MGAT4A: variants seen among roughly 807,000 people sequenced by gnomAD.
MGAT4A encodes alpha-1,3-mannosyl-glycoprotein 4-beta-N-acetylglucosaminyltransferase A, also known as N-acetylglucosaminyltransferase IVa.
In MGAT4A, 33 loss-of-function variants were observed where a neutral mutation model predicts 74.1. The ratio of observed to expected loss-of-function variants is 0.45; its 90% confidence interval spans 0.34 to 0.60. The LOEUF (loss-of-function observed/expected upper bound fraction) is 0.60, where lower values mean the gene tolerates loss of function less well. Ranked by LOEUF, MGAT4A falls within the 20% of genes least tolerant of loss-of-function variation. MGAT4A has a pLI of 0.02. For missense variants in MGAT4A, 479 were observed against 628.3 expected (o/e 0.76, Z 2.54); for synonymous variants, 198 against 210.4 (o/e 0.94, Z 0.51).
At chr2:98,703,562 A>C (rs776204884) in intron 2 of MGAT4A, among the ~76,000 whole-genome samples, 4 of 152,180 alleles carry the variant, frequency 2.6e-5, no homozygotes, top group African/African-American at 4.8e-5. Flanking sequence ...AAGGCAGAGG[A>C]ATCTCTGAAA....
intron 2 of MGAT4A, among the ~76,000 whole-genome samples, chr2:98,715,317 CAAAAAAA>C (rs201860893): frequency 2.2e-4 from 14 of 63,256 alleles, no homozygotes; most frequent in South Asian, 1.1e-3. Flanking sequence ...GACTTCATCT[CAAAAAAA>C]AAAAAAAAAA....
At chr2:98,728,744 GAA>G (rs201051152) in intron 1 of MGAT4A, among the ~76,000 whole-genome samples, 1 of 137,324 alleles carries the variant, frequency 7.3e-6, no homozygotes. Flanking sequence ...GACTCAGTTT[GAA>G]AAAAAAAAAA....
chr2:98,729,556 G>A (rs1341554361), intron 1 of MGAT4A, among the ~76,000 whole-genome samples: 1 of 152,084 alleles, frequency 6.6e-6, no homozygotes, highest in Non-Finnish European at 1.5e-5. Context: ...AAAAGGTAGT[G>A]GCTAAAATTG....
chr2:98,717,008 G>A (rs965326451), intron 2 of MGAT4A, among the ~76,000 whole-genome samples: 3 of 152,230 alleles, frequency 2.0e-5, no homozygotes, highest in Admixed American at 6.5e-5. Context: ...GAGGGCCGAC[G>A]GTGCCTCAAT....
At chr2:98,671,028 T>C (rs963251359) in intron 4 of MGAT4A, among the ~76,000 whole-genome samples, 7 of 152,208 alleles carry the variant, frequency 4.6e-5, no homozygotes, top group African/African-American at 7.2e-5. Flanking sequence ...ACAGTGTCTA[T>C]TGTCCCCTAT....
intron 14 of MGAT4A, among the ~76,000 whole-genome samples, chr2:98,630,059 C>A (rs7592884): frequency 1 from 152,301 of 152,308 alleles, 76,147 homozygotes; most frequent in Middle Eastern, 1. Flanking sequence ...ATAAATAAAT[C>A]AATCAAATAA....
intron 4 of MGAT4A, among the ~76,000 whole-genome samples, chr2:98,667,829 C>T (rs756313033): frequency 1.2e-4 from 18 of 152,026 alleles, no homozygotes; most frequent in Non-Finnish European, 2.2e-4. Context: ...AAATGATTCT[C>T]CTGCCTCAGC....
intron 8 of MGAT4A, among the ~76,000 whole-genome samples, chr2:98,655,109 T>C (rs1325093601): frequency 2.0e-5 from 3 of 152,154 alleles, no homozygotes; most frequent in Admixed American, 2.0e-4. Context: ...GTAAGAAAAT[T>C]CCTCTTTAAA....
At chr2:98,678,910 T>C (rs192937164) in intron 2 of MGAT4A, among the ~76,000 whole-genome samples, 2 of 152,320 alleles carry the variant, frequency 1.3e-5, no homozygotes, top group Non-Finnish European at 2.9e-5. Context: ...GAATATAACA[T>C]ATTTTATAGC....
rs1701112843 is a variant in MGAT4A, at chr2:98,624,383, A to T, written c.*1183T>A. On this transcript the variant is annotated 3_prime_UTR_variant, in exon 16 of 16. Transcript: ENST00000393487. The stretch of plus-strand genomic sequence containing the variant: ...CTGAGACCGGTAATATTCTTTGTTT[A>T]TAGTAGTAATATCATTTGGAATAGC... 1 of 953,934 alleles carries T rather than the reference A, an allele frequency of 1.0e-6. No individual in the cohort carries two copies. Among genetic ancestry groups the T allele is most frequent in the Non-Finnish European group, 1.2e-6 (1 of 801,430 alleles). The allele number at this position is 953,934 out of a possible 1,614,324, so 59.1% of individuals were successfully genotyped here. A position where few individuals can be genotyped will look rare whatever the true frequency, so the allele number is the denominator to read the frequency against.
intron 2 of MGAT4A, among the ~76,000 whole-genome samples, chr2:98,689,127 T>C (rs934004683): frequency 3.3e-5 from 5 of 152,236 alleles, no homozygotes; most frequent in African/African-American, 4.8e-5. Context: ...AGTTTTCTTA[T>C]TGTGTTTCTA....
In MGAT4A at chr2:98,647,621, T is replaced by C. The variant is rs555901715; in HGVS notation, c.775-2079A>G. Among the ~76,000 whole-genome samples, 12 of 152,240 alleles carry C rather than the reference T, an allele frequency of 7.9e-5. No individual in the cohort carries two copies. In the South Asian group the frequency reaches 2.1e-3, roughly 26 times the overall value. ...GGCGTGAGCCACTGCGCCCGGCCCA[T>C]AACGCGCTTTCTTATGCGCTACCGT... On this transcript the variant is annotated intron_variant, in intron 8 of 15. Coordinates refer to ENST00000393487, the MANE Select transcript of MGAT4A (RefSeq NM_012214.3).
intron 1 of MGAT4A, among the ~76,000 whole-genome samples, chr2:98,728,224 T>C (rs1264540405): frequency 2.0e-5 from 3 of 152,244 alleles, no homozygotes; most frequent in Non-Finnish European, 4.4e-5. Flanking sequence ...TTTTGGCTAA[T>C]ACCTCACCAC....
intron 2 of MGAT4A, among the ~76,000 whole-genome samples, chr2:98,720,679 T>C (rs1702657018): frequency 6.6e-6 from 1 of 151,996 alleles, no homozygotes; most frequent in African/African-American, 2.4e-5. Context: ...AACTAATACA[T>C]GCCTCAAGAA....
chr2:98,689,014 A>G (rs1355365693), intron 2 of MGAT4A, among the ~76,000 whole-genome samples: 1 of 152,170 alleles, frequency 6.6e-6, no homozygotes, highest in African/African-American at 2.4e-5. Context: ...TTCATCAATC[A>G]TTCCTAATCA....
At chr2:98,693,495 A>G (rs949100967) in intron 2 of MGAT4A, among the ~76,000 whole-genome samples, 1 of 152,156 alleles carries the variant, frequency 6.6e-6, no homozygotes, top group Non-Finnish European at 1.5e-5. Flanking sequence ...AGAAATATTT[A>G]AAACAATTAT....
At chr2:98,656,282 T>C (rs1575253819) in intron 7 of MGAT4A, 70 bp downstream of exon 7, 1 of 1,117,618 alleles carries the variant, frequency 8.9e-7, no homozygotes, top group Admixed American at 2.2e-5. Context: ...TCAGCTTCGA[T>C]AAATAAAAAC....
rs907683742 is a variant in MGAT4A, at chr2:98,619,165, C to A, written c.*6401G>T. 2.6e-5 allele frequency: 4 copies of A among 152,502 alleles called. No homozygotes were observed. Among genetic ancestry groups the A allele is most frequent in the African/African-American group, 9.7e-5 (4 of 41,418 alleles). The allele number at this position is 152,502 out of a possible 1,614,324, so 9.4% of individuals were successfully genotyped here. A position where few individuals can be genotyped will look rare whatever the true frequency, so the allele number is the denominator to read the frequency against. On this transcript the variant is annotated 3_prime_UTR_variant, in exon 16 of 16. Transcript: ENST00000393487. ...GAATTCAACATGGCTTTTTAAACTTCTTTATTTCAAATACACATGAACGGT... is the reference window on the plus strand; with the variant it reads ...GAATTCAACATGGCTTTTTAAACTTATTTATTTCAAATACACATGAACGGT...
intron 2 of MGAT4A, among the ~76,000 whole-genome samples, chr2:98,722,747 G>T (rs771016473): frequency 1.3e-5 from 2 of 152,106 alleles, no homozygotes; most frequent in Non-Finnish European, 2.9e-5. Context: ...TTTTGCTGAA[G>T]GAATCAATCA....
Sources: allele counts gnomAD v4.1 joint callset (sites outside exome capture counted in the v4.1 genomes callset), GRCh38; gene constraint gnomAD v4.1.1; transcripts MANE v1.5; gene names NCBI Gene and HGNC (gene_info 2026-07-23, HGNC 2026-07-21).